CHODL: variants seen among roughly 807,000 people sequenced by gnomAD.
CHODL encodes the protein transmembrane protein MT75.
A neutral mutation model predicts 34.5 loss-of-function variants in CHODL; 29 were observed. The ratio of observed to expected loss-of-function variants is 0.84; its 90% CI spans 0.63 to 1.15. CHODL has a LOEUF of 1.15. Ranked by LOEUF, CHODL falls within the 50% of genes most tolerant of loss-of-function variation. The probability of loss-of-function intolerance (pLI) is 0.00; values close to 1 mark genes in which losing one functional copy is unlikely to be tolerated. For synonymous variants in CHODL, 125 were observed against 116.1 expected (o/e 1.08, Z -0.49); for missense variants, 332 against 332.5 (o/e 1.00, Z 0.01).
chr21:18,139,500 G>A (rs970142069), intron 2 of CHODL, among the ~76,000 whole-genome samples: 10 of 152,056 alleles, frequency 6.6e-5, no homozygotes, highest in African/African-American at 2.2e-4. Context: ...GTAAAGTGGG[G>A]GCAGAGACTG....
At chr21:18,061,194 G>A (rs2064660207) in intron 2 of CHODL, among the ~76,000 whole-genome samples, 1 of 152,156 alleles carries the variant, frequency 6.6e-6, no homozygotes, top group African/African-American at 2.4e-5. Flanking sequence ...AAAGCGAAAA[G>A]CAAATTCCTT....
At chr21:18,216,687 C>T (rs2073832155) in intron 2 of CHODL, among the ~76,000 whole-genome samples, 1 of 152,178 alleles carries the variant, frequency 6.6e-6, no homozygotes, top group Admixed American at 6.5e-5. Flanking sequence ...TTAATTGACT[C>T]ACAGTTCCAC....
At chr21:18,233,603 T>G (rs997681315) in intron 2 of CHODL, among the ~76,000 whole-genome samples, 1 of 152,106 alleles carries the variant, frequency 6.6e-6, no homozygotes, top group Admixed American at 6.6e-5. Flanking sequence ...CATTATCCAG[T>G]GTGAAGATCT....
chr21:17,944,348 C>T (rs560352022), intron 1 of CHODL, among the ~76,000 whole-genome samples: 33 of 152,294 alleles, frequency 2.2e-4, no homozygotes, highest in African/African-American at 6.7e-4. Flanking sequence ...GTTAAAAAAT[C>T]GACCCAACAA....
intron 1 of CHODL, among the ~76,000 whole-genome samples, chr21:17,940,365 C>T (rs549585219): frequency 6.6e-6 from 1 of 152,168 alleles, no homozygotes; most frequent in Non-Finnish European, 1.5e-5. Context: ...AAATACTACA[C>T]AGTGAAGAAA....
intron 2 of CHODL, among the ~76,000 whole-genome samples, chr21:18,039,075 C>G (rs2064344553): frequency 6.6e-6 from 1 of 151,476 alleles, no homozygotes; most frequent in Non-Finnish European, 1.5e-5. Context: ...TCATTCCATC[C>G]CATTTTGGGA....
At chr21:18,126,653 A>G (rs2065548667) in intron 2 of CHODL, among the ~76,000 whole-genome samples, 1 of 151,864 alleles carries the variant, frequency 6.6e-6, no homozygotes, top group Non-Finnish European at 1.5e-5. Context: ...ACAATGATAT[A>G]TTACTAGGGC....
chr21:18,238,695 G>C (rs1431546194), intron 2 of CHODL, among the ~76,000 whole-genome samples: 1 of 152,052 alleles, frequency 6.6e-6, no homozygotes, highest in Non-Finnish European at 1.5e-5. Flanking sequence ...TTCCCAGTAA[G>C]TAATATTTTT....
At chr21:18,265,229 ATG>A (rs1568965926) in intron 5 of CHODL, among the ~76,000 whole-genome samples, 3 of 145,818 alleles carry the variant, frequency 2.1e-5, no homozygotes, top group Non-Finnish European at 4.5e-5. Context: ...GTATATATAT[ATG>A]TGTGTATATA....
At chr21:18,156,133 T>C (rs1018739192) in intron 2 of CHODL, among the ~76,000 whole-genome samples, 10 of 152,184 alleles carry the variant, frequency 6.6e-5, no homozygotes, top group Non-Finnish European at 1.3e-4. Flanking sequence ...TTGCCCTACC[T>C]GGGATAATTT....
At chr21:17,982,883 C>T (rs182940131) in intron 1 of CHODL, among the ~76,000 whole-genome samples, 11 of 151,616 alleles carry the variant, frequency 7.3e-5, no homozygotes, top group South Asian at 2.1e-4. Context: ...TCCAACCCCC[C>T]CCAGCTAATT....
At chr21:18,050,271 T>G (rs187802626) in intron 2 of CHODL, among the ~76,000 whole-genome samples, 22 of 82,844 alleles carry the variant, frequency 2.7e-4, no homozygotes, top group Non-Finnish European at 2.4e-5. Context: ...TCAAATGAGA[T>G]CCTTGAAGGG....
chr21:17,924,540 G>C (rs1045745789), intron 1 of CHODL, among the ~76,000 whole-genome samples: 2 of 152,186 alleles, frequency 1.3e-5, no homozygotes, highest in African/African-American at 4.8e-5. Context: ...GGAAGAGAAA[G>C]GAAGCCAGCT....
chr21:18,045,279 C>G (rs1019506647), intron 2 of CHODL, among the ~76,000 whole-genome samples: 1 of 151,886 alleles, frequency 6.6e-6, no homozygotes, highest in Non-Finnish European at 1.5e-5. Context: ...AAACATGCCC[C>G]AGACCTTGTG....
At chr21:18,261,669 A>G (rs1025707208) in intron 4 of CHODL, among the ~76,000 whole-genome samples, 13 of 152,108 alleles carry the variant, frequency 8.5e-5, no homozygotes, top group African/African-American at 3.1e-4. Context: ...CTGTCCCTCC[A>G]CAAAAAAAAA....
intron 2 of CHODL, among the ~76,000 whole-genome samples, chr21:18,137,390 A>G (rs1688186): frequency 0.078 from 11,937 of 152,250 alleles, 1,491 homozygotes; most frequent in African/African-American, 0.27. Context: ...GATAATGGAC[A>G]AGAATTACAA....
Position 18,012,305 on chromosome 21 carries a change from A to C in CHODL, c.-144-15567A>C, listed in dbSNP as rs187185754. On this transcript the variant is annotated intron_variant, in intron 1 of 6. Coordinates refer to the CHODL transcript ENST00000400127. Reference sequence around the variant, plus strand: ...TAATACATAATTGTCCTCTGTCTTTACTTTTAAGTTCTACTGACAATCTCT... The same window carrying C: ...TAATACATAATTGTCCTCTGTCTTTCCTTTTAAGTTCTACTGACAATCTCT... Among the ~76,000 whole-genome samples the C allele has an allele frequency of 2.4e-3, 363 of 152,288 alleles. 3 individuals carry two copies. Among genetic ancestry groups the C allele is most frequent in the East Asian group, 1.2e-3 (6 of 5,182 alleles).
At chr21:18,222,087 G>A (rs1283599362) in intron 2 of CHODL, among the ~76,000 whole-genome samples, 3 of 152,198 alleles carry the variant, frequency 2.0e-5, no homozygotes, top group Non-Finnish European at 4.4e-5. Flanking sequence ...GCATAAGCCT[G>A]CAGTGACTCC....
intron 2 of CHODL, among the ~76,000 whole-genome samples, chr21:18,041,554 C>T (rs1217281262): frequency 2.6e-5 from 4 of 151,592 alleles, no homozygotes; most frequent in African/African-American, 4.8e-5. Flanking sequence ...TTAGGATTCA[C>T]GTCATGCAGA....
Sources: allele counts gnomAD v4.1 joint callset (sites outside exome capture counted in the v4.1 genomes callset), GRCh38; gene constraint gnomAD v4.1.1; transcripts MANE v1.5; gene names NCBI Gene and HGNC (gene_info 2026-07-23, HGNC 2026-07-21).